Variants in ZNF398 observed in about 807,000 individuals in gnomAD.
ZNF398 encodes zinc finger DNA binding protein ZER6.
ZNF398 carries 18 observed loss-of-function variants against 41.9 expected under a neutral mutation model. That is an observed-to-expected ratio of 0.43 (90% confidence interval 0.30 to 0.64). The LOEUF is 0.64. Ranked by LOEUF, ZNF398 falls within the 30% of genes least tolerant of loss-of-function variation. The pLI is 0.14. For missense variants in ZNF398, 669 were observed against 822.8 expected (o/e 0.81, Z 2.29); for synonymous variants, 260 against 308.8 (o/e 0.84, Z 1.66).
intron 2 of ZNF398, among the ~76,000 whole-genome samples, chr7:149,130,467 T>C (rs1826573948): frequency 6.6e-6 from 1 of 152,158 alleles, no homozygotes; most frequent in African/African-American, 2.4e-5. Flanking sequence ...TGAAAATAAA[T>C]TTTTATTTCT....
intron 4 of ZNF398, among the ~76,000 whole-genome samples, chr7:149,171,677 T>C (rs954483764): frequency 6.6e-6 from 1 of 151,732 alleles, no homozygotes; most frequent in African/African-American, 2.4e-5. Context: ...TACTTTTTAT[T>C]ATTTATTTAT....
intron 2 of ZNF398, among the ~76,000 whole-genome samples, chr7:149,155,712 T>TTA (rs1563159496): frequency 1.9e-4 from 4 of 20,776 alleles, no homozygotes; most frequent in African/African-American, 4.4e-4. Flanking sequence ...TATATATTTT[T>TTA]TTTTTTTTTT....
chr7:149,139,394 G>C (rs755595800), intron 2 of ZNF398, among the ~76,000 whole-genome samples: 2 of 151,976 alleles, frequency 1.3e-5, no homozygotes, highest in Admixed American at 6.6e-5. Flanking sequence ...TTTAAATTTA[G>C]GTATTCTAAA....
At position 149,140,704 on chromosome 7, in the gene ZNF398, C is replaced by T. The variant is rs978305964; in HGVS notation, c.-490+11760C>T. 4.0e-5 allele frequency among the ~76,000 whole-genome samples: 6 copies of T among 151,616 alleles called. No homozygotes were observed. In the East Asian group the frequency reaches 9.7e-4, roughly 24 times the overall value. ...AGGCCCATAAAACACCCTTTAGAAA[C>T]GAATGTTTAACAATTTTGTTCCATT... On this transcript the variant is annotated intron_variant, in intron 2 of 6. Coordinates refer to the ZNF398 transcript ENST00000426851.
chr7:149,157,882 GGAGGAGCCGGCA>G (rs1234328767), intron 2 of ZNF398, among the ~76,000 whole-genome samples: 1 of 150,332 alleles, frequency 6.7e-6, no homozygotes, highest in Non-Finnish European at 1.5e-5. Flanking sequence ...TCCGGTGGTA[GGAGGAGCCGGCA>G]GAGGAGATTA....
chr7:149,149,605 C>T (rs1443941295), intron 1 of ZNF398, among the ~76,000 whole-genome samples: 1 of 152,086 alleles, frequency 6.6e-6, no homozygotes, highest in Admixed American at 6.6e-5. Flanking sequence ...CAGGAGGCTG[C>T]CGTGGGAAGA....
At chr7:149,174,090 G>A (rs112261964) in intron 4 of ZNF398, among the ~76,000 whole-genome samples, 2,907 of 151,808 alleles carry the variant, frequency 0.019, 42 homozygotes, top group Admixed American at 0.029. Context: ...CACCATGCCC[G>A]GCCTGATGTA....
chr7:149,164,178 C>T (rs978786367), intron 2 of ZNF398, among the ~76,000 whole-genome samples: 3 of 151,386 alleles, frequency 2.0e-5, no homozygotes, highest in African/African-American at 4.9e-5. Flanking sequence ...GAGGCCGAGG[C>T]GGGCAGATCA....
intron 5 of ZNF398, among the ~76,000 whole-genome samples, chr7:149,176,976 G>C (rs1407275966): frequency 6.6e-6 from 1 of 152,022 alleles, no homozygotes; most frequent in Non-Finnish European, 1.5e-5. Flanking sequence ...TTAATTAAGA[G>C]CCCTCCCTCA....
upstream of ZNF398, among the ~76,000 whole-genome samples, chr7:149,142,700 G>C (rs1270446165): frequency 6.6e-6 from 1 of 151,982 alleles, no homozygotes; most frequent in Non-Finnish European, 1.5e-5. Context: ...CCAGATATTT[G>C]GATATGAAGA....
At chr7:149,153,079 G>A (rs906277263) in intron 1 of ZNF398, among the ~76,000 whole-genome samples, 5 of 151,812 alleles carry the variant, frequency 3.3e-5, no homozygotes, top group African/African-American at 9.7e-5. Flanking sequence ...GGCTGGACTC[G>A]CACTCCCAAG....
At chr7:149,143,111 G>C (rs1826861610), upstream of ZNF398, among the ~76,000 whole-genome samples, 1 of 150,102 alleles carries the variant, frequency 6.7e-6, no homozygotes, top group Non-Finnish European at 1.5e-5. Flanking sequence ...TTACTGGCCA[G>C]GCGCGGTGGC....
At chr7:149,135,689 C>T (rs998074996) in intron 2 of ZNF398, among the ~76,000 whole-genome samples, 1 of 151,996 alleles carries the variant, frequency 6.6e-6, no homozygotes, top group African/African-American at 2.4e-5. Context: ...TGCGGTAGCT[C>T]ACACCTGTAA....
At chr7:149,173,093 A>ATTTTTTTTT (rs71192762) in intron 4 of ZNF398, among the ~76,000 whole-genome samples, 1 of 64,958 alleles carries the variant, frequency 1.5e-5, no homozygotes, top group Non-Finnish European at 2.8e-5. Context: ...GGCAATTTCT[A>ATTTTTTTTT]TTTTTTTTTT....
rs148868051 is a variant in ZNF398, at chr7:149,128,651, G to A, written c.-611-172G>A. Among the ~76,000 whole-genome samples the A allele has an allele frequency of 8.2e-3, 1,250 of 151,714 alleles. 11 individuals carry two copies. The highest frequency in any genetic ancestry group is 0.014 in the Non-Finnish European group (927 of 67,926). Reference sequence around the variant, plus strand: ...TCTCAGCTATTTGGGAGGCAGAGGTGGGAGGATTACTTGAGCCTGGGAGGC... The same window carrying A: ...TCTCAGCTATTTGGGAGGCAGAGGTAGGAGGATTACTTGAGCCTGGGAGGC... On this transcript the variant is annotated intron_variant, in intron 1 of 6. Transcript: ENST00000426851.
In ZNF398 at chr7:149,155,514, T is replaced by A. The variant is rs189097915; in HGVS notation, c.420+1174T>A. On this transcript the variant is annotated intron_variant, in intron 2 of 5. Coordinates refer to ENST00000475153, the MANE Select transcript of ZNF398 (RefSeq NM_170686.3). ...TGACCTAATAGGTCCAGGATGGAGC[T>A]TAAGCATGAATAATTTTTTAAAAAC... 1.9e-3 allele frequency among the ~76,000 whole-genome samples: 288 copies of A among 152,032 alleles called. 1 individual carries two copies. The highest frequency in any genetic ancestry group is 6.5e-3 in the African/African-American group (271 of 41,488).
At chr7:149,167,312 A>G (rs550335940) in intron 4 of ZNF398, among the ~76,000 whole-genome samples, 2 of 152,204 alleles carry the variant, frequency 1.3e-5, no homozygotes, top group Non-Finnish European at 2.9e-5. Flanking sequence ...TGGTCCCTCT[A>G]AGATGCATGG....
At position 149,133,119 on chromosome 7, in the gene ZNF398, C is replaced by CTTT. The variant is rs146675534; in HGVS notation, c.-490+4186_-490+4188dup. ...AGTGCAACCTGTTTTATCAGTAAGG[C>CTTT]TTTTTTTTTTTTTCTTGATAGAGTT... On this transcript the variant is annotated intron_variant, in intron 2 of 6. Coordinates refer to the ZNF398 transcript ENST00000426851. Among the ~76,000 whole-genome samples, 82 of 143,438 alleles carry CTTT rather than the reference C, an allele frequency of 5.7e-4. 1 individual carries two copies. Among genetic ancestry groups the CTTT allele is most frequent in the African/African-American group, 1.9e-3 (75 of 39,282 alleles). 94.1% of individuals were successfully genotyped at this position (143,438 alleles called of 152,430 possible).
At chr7:149,133,176 C>T (rs1161825493) in intron 2 of ZNF398, among the ~76,000 whole-genome samples, 1 of 151,252 alleles carries the variant, frequency 6.6e-6, no homozygotes, top group East Asian at 2.0e-4. Flanking sequence ...AGTGCAGTGG[C>T]ACAATCTTGG....
Sources: gnomAD v4.1 joint callset for allele counts (sites outside exome capture counted in the v4.1 genomes callset) on GRCh38, gnomAD v4.1.1 for gene constraint, MANE v1.5 for transcripts, NCBI Gene and HGNC (gene_info 2026-07-23, HGNC 2026-07-21) for gene names.